Variants in SV2C observed in about 807,000 individuals in gnomAD.
SV2C encodes the protein synaptic vesicle glycoprotein 2C, also known as solute carrier family 22 member B3.
In SV2C, 49 loss-of-function variants were observed where a neutral mutation model predicts 79.7. The observed-to-expected ratio is 0.61, with a 90% confidence interval of 0.49 to 0.78. SV2C has a LOEUF of 0.78. Among genes scored for constraint, SV2C ranks in the 30% least tolerant of loss-of-function variants. The pLI, the probability that SV2C is intolerant of heterozygous loss-of-function variation, is 0.00. For missense variants in SV2C, 833 were observed against 912.9 expected (o/e 0.91, Z 1.13); for synonymous variants, 334 against 333.2 (o/e 1.00, Z -0.03).
chr5:76,168,314 C>T (rs776558840), intron 2 of SV2C, among the ~76,000 whole-genome samples: 7 of 152,172 alleles, frequency 4.6e-5, no homozygotes, highest in East Asian at 1.9e-4. Context: ...GTCTAATGCT[C>T]GCTACTTTAG....
At position 76,330,567 on chromosome 5, in the gene SV2C, C is replaced by CT. The variant is rs397956560; in HGVS notation, c.*5020_*5021insT. 6.6e-6 allele frequency: 1 copy of CT among 150,936 alleles called. No individual in the cohort carries two copies. The highest frequency in any genetic ancestry group is 2.4e-5 in the African/African-American group (1 of 41,040). 9.3% of individuals were successfully genotyped at this position (150,936 alleles called of 1,614,324 possible). A position where few individuals can be genotyped will look rare whatever the true frequency, so the allele number is the denominator to read the frequency against. The stretch of plus-strand genomic sequence containing the variant: ...CATGTGAACCCTCCGCGCCCCCCCC[C>CT]ATAAATACAAAGTGTTATTTTTCCA... On this transcript the variant is annotated 3_prime_UTR_variant, in exon 13 of 13. Coordinates refer to ENST00000502798, the MANE Select transcript of SV2C (RefSeq NM_014979.4).
intron 1 of SV2C, among the ~76,000 whole-genome samples, chr5:76,110,220 G>C (rs544862504): frequency 6.6e-6 from 1 of 152,296 alleles, no homozygotes; most frequent in Admixed American, 6.5e-5. Flanking sequence ...ACAATGAGAA[G>C]GGCTGGTGGG....
chr5:76,085,200 G>C (rs145625056), intron 1 of SV2C, among the ~76,000 whole-genome samples: 230 of 152,304 alleles, frequency 1.5e-3, no homozygotes, highest in African/African-American at 5.2e-3. Flanking sequence ...TCATGTGAAC[G>C]CCTAGGTGTT....
chr5:76,059,436 C>T, the SV2C span, among the ~76,000 whole-genome samples: 2 of 151,992 alleles, frequency 1.3e-5, no homozygotes, highest in African/African-American at 4.8e-5. Context: ...GTTGTCATTT[C>T]AGCAATGTTC....
intron 9 of SV2C, among the ~76,000 whole-genome samples, chr5:76,298,218 G>A (rs566044273): frequency 2.0e-5 from 3 of 152,174 alleles, no homozygotes; most frequent in African/African-American, 4.8e-5. Context: ...GGAAATGAGC[G>A]TCACCTATGA....
the SV2C span, among the ~76,000 whole-genome samples, chr5:75,962,434 G>A: frequency 6.6e-6 from 1 of 152,052 alleles, no homozygotes; most frequent in African/African-American, 2.4e-5. Context: ...AGTAAAATAA[G>A]GCAATGTATT....
intron 4 of SV2C, among the ~76,000 whole-genome samples, chr5:76,274,428 T>A (rs1055630295): frequency 3.3e-5 from 5 of 152,138 alleles, no homozygotes; most frequent in African/African-American, 1.2e-4. Context: ...TCTAGATATG[T>A]TTTATGTATA....
the SV2C span, among the ~76,000 whole-genome samples, chr5:76,041,820 CTTG>C: frequency 6.6e-6 from 1 of 152,168 alleles, no homozygotes; most frequent in Non-Finnish European, 1.5e-5. Context: ...TGATAAGGAC[CTTG>C]TTGTCATCTT....
At chr5:76,056,604 T>A in the SV2C span, among the ~76,000 whole-genome samples, 1 of 151,122 alleles carries the variant, frequency 6.6e-6, no homozygotes, top group African/African-American at 2.4e-5. Flanking sequence ...TGGCTGTGAA[T>A]CTGTCTGGTC....
At chr5:76,191,498 A>G in intron 2 of SV2C, among the ~76,000 whole-genome samples, 1 of 152,242 alleles carries the variant, frequency 6.6e-6, no homozygotes, top group East Asian at 1.9e-4. Context: ...GAAAAACACT[A>G]TATATCATTT....
chr5:76,006,890 C>T, the SV2C span, among the ~76,000 whole-genome samples: 1 of 152,174 alleles, frequency 6.6e-6, no homozygotes, highest in Non-Finnish European at 1.5e-5. Flanking sequence ...ATTTCACTCA[C>T]TCTTACAATG....
chr5:76,030,280 T>G, the SV2C span, among the ~76,000 whole-genome samples: 6 of 115,102 alleles, frequency 5.2e-5, no homozygotes, highest in Non-Finnish European at 8.8e-5. Context: ...TTTTTTTTTT[T>G]TTTTTTTTTT....
chr5:75,850,874 T>C, the SV2C span, among the ~76,000 whole-genome samples: 1 of 152,106 alleles, frequency 6.6e-6, no homozygotes, highest in Non-Finnish European at 1.5e-5. Context: ...TGAGCTAACT[T>C]GGATTTTTCT....
At chr5:76,067,522 T>C in the SV2C span, among the ~76,000 whole-genome samples, 2 of 152,004 alleles carry the variant, frequency 1.3e-5, no homozygotes, top group Non-Finnish European at 2.9e-5. Flanking sequence ...TTCAATTTTA[T>C]CTAGTATTTA....
intron 3 of SV2C, among the ~76,000 whole-genome samples, chr5:76,203,851 A>C (rs1330505226): frequency 5.3e-5 from 8 of 152,374 alleles, no homozygotes; most frequent in African/African-American, 1.9e-4. Flanking sequence ...TGAAGACTAA[A>C]GCTACCCAAA....
chr5:75,917,178 G>A, the SV2C span, among the ~76,000 whole-genome samples: 1 of 152,186 alleles, frequency 6.6e-6, no homozygotes. Flanking sequence ...TCTGCTTCTA[G>A]GAGAATCCAA....
At chr5:75,923,196 G>A in the SV2C span, among the ~76,000 whole-genome samples, 1 of 152,160 alleles carries the variant, frequency 6.6e-6, no homozygotes. Flanking sequence ...AAATGGTGCT[G>A]GGAAAACTGG....
At chr5:76,131,559 TG>T in intron 1 of SV2C, 90 bp from the exon 2 acceptor site, 1 of 411,630 alleles carries the variant, frequency 2.4e-6, no homozygotes, top group Non-Finnish European at 4.2e-6. Flanking sequence ...TTGTAGTTTG[TG>T]GGACACTGAA....
the SV2C span, among the ~76,000 whole-genome samples, chr5:76,046,237 A>G: frequency 6.6e-6 from 1 of 152,156 alleles, no homozygotes; most frequent in East Asian, 1.9e-4. Context: ...TAGAGAAACT[A>G]AGACACTTTG....
Sources: gnomAD v4.1 joint callset for allele counts (sites outside exome capture counted in the v4.1 genomes callset) on GRCh38, gnomAD v4.1.1 for gene constraint, MANE v1.5 for transcripts, NCBI Gene and HGNC (gene_info 2026-07-23, HGNC 2026-07-21) for gene names.